ZNF597: variants seen among roughly 807,000 people sequenced by gnomAD.
The protein encoded by ZNF597 is zinc finger protein 597.
In ZNF597, 5 loss-of-function variants were observed where a neutral mutation model predicts 7.3. The ratio of observed to expected loss-of-function variants is 0.68; its 90% confidence interval spans 0.36 to 1.44. The LOEUF (loss-of-function observed/expected upper bound fraction) is 1.44, where lower values mean the gene tolerates loss of function less well. ZNF597 is among the 40% of genes most tolerant of loss of function. ZNF597 has a pLI of 0.04. For missense variants in ZNF597, 585 were observed against 517.9 expected, an observed-to-expected ratio of 1.13 and a Z score of -1.26; for synonymous variants, 209 against 185.4, an observed-to-expected ratio of 1.13 and a Z score of -1.04.
chr16:3,440,965 G>A, intron 2 of ZNF597, 32 bp from the exon 3 acceptor site: 1 of 1,605,168 alleles, frequency 6.2e-7, no homozygotes, highest in Non-Finnish European at 8.5e-7. Context: ...CAGCACAAGA[G>A]GGTGGAGGGT....
Position 3,443,461 on chromosome 16 carries a change from C to G in ZNF597, c.-155G>C, listed in dbSNP as rs965166168. The G allele has an allele frequency of 1.9e-6, 1 of 522,690 alleles. No individual in the cohort carries two copies. Among genetic ancestry groups the G allele is most frequent in the East Asian group, 3.3e-5 (1 of 30,110 alleles). The allele number at this position is 522,690 out of a possible 1,614,324, so 32.4% of individuals were successfully genotyped here. ...AGAACGCCACGGCCACTGCAAAACT[C>G]CCACGCTCTCATGCTCCTTTACGCA... On this transcript the variant is annotated 5_prime_UTR_variant, in exon 1 of 4. Transcript: ENST00000301744.
chr16:3,436,287 G>T lies in ZNF597; in HGVS notation c.*137C>A. The T allele has an allele frequency of 1.2e-6, 1 of 847,686 alleles. No individual in the cohort carries two copies. Among genetic ancestry groups the T allele is most frequent in the South Asian group, 1.8e-5 (1 of 54,520 alleles). 52.5% of individuals were successfully genotyped at this position (847,686 alleles called of 1,614,324 possible). ...TGGAAATGATACTGCCTAAATCACGGTTGTGCTGAGAATTAAGTATTACAT... is the reference window on the plus strand; with the variant it reads ...TGGAAATGATACTGCCTAAATCACGTTTGTGCTGAGAATTAAGTATTACAT... On this transcript the variant is annotated 3_prime_UTR_variant, in exon 4 of 4. Transcript: ENST00000301744.
At position 3,434,184 on chromosome 16, in the gene ZNF597, T is replaced by A. The variant is rs544615294; in HGVS notation, c.*2240A>T. ...TAAGATATTCCCCTCTACTTCTTTC[T>A]GCAGCAACTCTGCTAATCCAGACCT... On this transcript the variant is annotated 3_prime_UTR_variant, in exon 4 of 4. Coordinates refer to ENST00000301744, the MANE Select transcript of ZNF597 (RefSeq NM_152457.3). 6.6e-6 allele frequency: 1 copy of A among 152,258 alleles called. No homozygotes were observed. The highest frequency in any genetic ancestry group is 1.5e-5 in the Non-Finnish European group (1 of 68,070). 9.4% of individuals were successfully genotyped at this position (152,258 alleles called of 1,614,324 possible).
At position 3,436,769 on chromosome 16, in the gene ZNF597, A is replaced by G. The variant is rs141655901; in HGVS notation, c.930T>C (p.Tyr310=). Residue 310 remains tyrosine, a synonymous_variant, in exon 4 of 4, where the codon TAT becomes TAC. Coordinates refer to ENST00000301744, the MANE Select transcript of ZNF597 (RefSeq NM_152457.3). ...CGTGGCTCTTCTCGGAAAGGGCAGG[A>G]TATAAGGACTGCCTGAAGCTCTTCA... is the stretch of plus-strand genomic sequence containing the variant. ...KCMKSFRQSL[Y]PALSEKSHDE... is the part of the protein sequence containing the mutation. 2.1e-4 allele frequency: 335 copies of G among 1,613,596 alleles called. No individual in the cohort carries two copies. The highest frequency in any genetic ancestry group is 2.5e-4 in the Non-Finnish European group (298 of 1,180,034).
rs1338442422 is a variant in ZNF597, at chr16:3,434,031, C to T, written c.*2393G>A. On this transcript the variant is annotated 3_prime_UTR_variant, in exon 4 of 4. Transcript: ENST00000301744. ...AGGAAGACTCGTGTGGAAAGGCAAA[C>T]TTCCATATTAAGGTGCAGAACAGGA... 1 of 151,964 alleles carries T rather than the reference C, an allele frequency of 6.6e-6. No homozygotes were observed. The highest frequency in any genetic ancestry group is 1.9e-4 in the East Asian group (1 of 5,190). The allele number at this position is 151,964 out of a possible 1,614,324, so 9.4% of individuals were successfully genotyped here. A position where few individuals can be genotyped will look rare whatever the true frequency, so the allele number is the denominator to read the frequency against.
chr16:3,436,421 A>G lies in ZNF597; in HGVS notation c.*3T>C, dbSNP rs757912133. On this transcript the variant is annotated 3_prime_UTR_variant, in exon 4 of 4. Coordinates refer to ENST00000301744, the MANE Select transcript of ZNF597 (RefSeq NM_152457.3). ...TCACTAATAACAATTTGTTATATTT[A>G]CTTTACGTGGTGTTTTTTATGTGAG... 1.4e-5 allele frequency: 23 copies of G among 1,610,710 alleles called. No individual in the cohort carries two copies. The highest frequency in any genetic ancestry group is 1.8e-5 in the Non-Finnish European group (21 of 1,178,010).
At position 3,442,829 on chromosome 16, in the gene ZNF597, G is replaced by A. The variant is rs572431243; in HGVS notation, c.33+292C>T. The stretch of plus-strand genomic sequence containing the variant: ...CCAGCCAGACAAGCAACACTCCAGC[G>A]ACAAGGCCAGACCCTATCTCCAAAC... On this transcript the variant is annotated intron_variant, in intron 2 of 3. Coordinates refer to ENST00000301744, the MANE Select transcript of ZNF597 (RefSeq NM_152457.3). 1.2e-4 allele frequency among the ~76,000 whole-genome samples: 19 copies of A among 152,198 alleles called. No homozygotes were observed. The South Asian group carries it at 3.1e-3, about 25-fold the overall frequency.
intron 2 of ZNF597, among the ~76,000 whole-genome samples, chr16:3,441,429 G>A (rs42971): frequency 0.27 from 41,438 of 152,098 alleles, 6,183 homozygotes; most frequent in African/African-American, 0.4. Flanking sequence ...GCTCACGCCT[G>A]TAACCCCAGC....
In ZNF597 at chr16:3,436,887, G is replaced by A. The variant is rs1379436006; in HGVS notation, c.812C>T (p.Thr271Ile). The change falls in exon 4 of 4, where the codon ACT becomes ATT. Residue 271 changes from threonine to isoleucine, a missense_variant. Physicochemically the swap from Thr to Ile is moderately conservative, Grantham distance 89. Transcript: ENST00000301744. ...CTCATTAAAATGTTTATCACAGTTA[G>A]TAGATTCGTAGGTGTTTTCAGCACT... ...SHSAENTYES[T>I]NCDKHFNEKP... 1.1e-5 allele frequency: 18 copies of A among 1,614,082 alleles called. No individual in the cohort carries two copies. Among genetic ancestry groups the A allele is most frequent in the East Asian group, 4.5e-5 (2 of 44,902 alleles).
At position 3,434,495 on chromosome 16, in the gene ZNF597, A is replaced by G. The variant is rs1056974581; in HGVS notation, c.*1929T>C. 3 of 151,938 alleles carry G rather than the reference A, an allele frequency of 2.0e-5. No homozygotes were observed. The highest frequency in any genetic ancestry group is 7.2e-5 in the African/African-American group (3 of 41,452). 9.4% of individuals were successfully genotyped at this position (151,938 alleles called of 1,614,324 possible). A position where few individuals can be genotyped will look rare whatever the true frequency, so the allele number is the denominator to read the frequency against. On this transcript the variant is annotated 3_prime_UTR_variant, in exon 4 of 4. Transcript: ENST00000301744. ...GTGGAGACATCAGAAACAAACAGCC[A>G]AAGTCTGACCTTGACATACAGAGCA...
At position 3,437,474 on chromosome 16, in the gene ZNF597, A is replaced by C; in HGVS notation, c.225T>G (p.Leu75=). The part of the protein sequence containing the change: ...LSLESMELDE[L]ALEKYPIAAP... ...CAGCAATGGGGTACTTTTCTAAGGC[A>C]AGCTCGTCAAGTTCCATAGACTCTA... The change falls in exon 4 of 4, where the codon CTT becomes CTG. Residue 75 remains leucine, a synonymous_variant. Transcript: ENST00000301744. 1.2e-6 allele frequency: 2 copies of C among 1,614,114 alleles called. No individual in the cohort carries two copies. Among genetic ancestry groups the C allele is most frequent in the Non-Finnish European group, 1.7e-6 (2 of 1,180,016 alleles).
rs2034274337 is a variant in ZNF597, at chr16:3,433,676, C to T, written c.*2748G>A. ...GGTGAAATGCCATCATCATAAAAAGCCTGAAGCTCACCAGCAGATATATCT... is the reference window on the plus strand; with the variant it reads ...GGTGAAATGCCATCATCATAAAAAGTCTGAAGCTCACCAGCAGATATATCT... On this transcript the variant is annotated 3_prime_UTR_variant, in exon 4 of 4. Transcript: ENST00000301744. 1 of 152,196 alleles carries T rather than the reference C, an allele frequency of 6.6e-6. No individual in the cohort carries two copies. The highest frequency in any genetic ancestry group is 2.1e-4 in the South Asian group (1 of 4,838). 9.4% of individuals were successfully genotyped at this position (152,196 alleles called of 1,614,324 possible). A position where few individuals can be genotyped will look rare whatever the true frequency, so the allele number is the denominator to read the frequency against.
At position 3,437,282 on chromosome 16, in the gene ZNF597, G is replaced by C. The variant is rs1400342608; in HGVS notation, c.417C>G (p.Asn139Lys). The C allele has an allele frequency of 6.2e-7, 1 of 1,614,102 alleles. No homozygotes were observed. The highest frequency in any genetic ancestry group is 1.3e-5 in the African/African-American group (1 of 74,938). ...LVELSEYLGT[N>K]TLSEILDSPW... ...GAGAATCAAGAATTTCAGAAAGTGT[G>C]TTGGTTCCTAAATATTCAGAGAGTT... Residue 139 changes from asparagine (N) to lysine (K), a missense_variant, in exon 4 of 4, where the codon AAC (asparagine) becomes AAG (lysine). Coordinates refer to ENST00000301744, the MANE Select transcript of ZNF597 (RefSeq NM_152457.3).
intron 2 of ZNF597, among the ~76,000 whole-genome samples, chr16:3,441,574 T>A (rs894641959): frequency 9.9e-5 from 15 of 152,208 alleles, no homozygotes; most frequent in Admixed American, 8.5e-4. Context: ...TAATCCCAGC[T>A]ACTTGGGAGG....
Position 3,437,115 on chromosome 16 carries a change from T to A in ZNF597, c.584A>T (p.His195Leu), listed in dbSNP as rs752990037. 6.2e-7 allele frequency: 1 copy of A among 1,614,228 alleles called. No individual in the cohort carries two copies. Among genetic ancestry groups the A allele is most frequent in the Non-Finnish European group, 8.5e-7 (1 of 1,180,040 alleles). The change falls in exon 4 of 4, where the codon CAT (histidine) becomes CTT (leucine). Residue 195 changes from histidine to leucine, a missense_variant. Coordinates refer to ENST00000301744, the MANE Select transcript of ZNF597 (RefSeq NM_152457.3). Reference sequence around the variant, plus strand: ...CCTGTGTGTCCTCAGGTTGGCTCTATGATTGAAGATCTTTCCACAGTCACC... The same window carrying A: ...CCTGTGTGTCCTCAGGTTGGCTCTAAGATTGAAGATCTTTCCACAGTCACC... ...KCGDCGKIFN[H>L]RANLRTHRRI...
Position 3,437,077 on chromosome 16 carries a change from C to T in ZNF597, c.622G>A (p.Gly208Ser), listed in dbSNP as rs1253556616. The T allele has an allele frequency of 1.2e-6, 2 of 1,614,136 alleles. No homozygotes were observed. The highest frequency in any genetic ancestry group is 2.2e-5 in the East Asian group (1 of 44,870). ...TTGGCACACTTATAAGGTTTCTCAC[C>T]AGTATGGATTCTCCTGTGTGTCCTC... ...NLRTHRRIHT[G>S]EKPYKCAKCS... The change falls in exon 4 of 4, where the codon GGT (glycine) becomes AGT (serine). Residue 208 changes from glycine (G) to serine (S), a missense_variant. Gly to Ser is a moderately conservative substitution (Grantham distance 56). Transcript: ENST00000301744.
At chr16:3,442,941 A>T (rs929830259) in intron 2 of ZNF597, among the ~76,000 whole-genome samples, 180 bp downstream of exon 2, 3 of 152,238 alleles carry the variant, frequency 2.0e-5, no homozygotes, top group Admixed American at 6.5e-5. Context: ...TTCTGAAAGA[A>T]GGAAGTTGGT....
rs753938353 is a variant in ZNF597 at position 3,436,821 on chromosome 16, C to A, written c.878G>T (p.Gly293Val). ...GCACTTAGTGTGCTGGTACTGGGGG[C>A]CTGATACGAATGTTTCCTCAGGCAA... is the stretch of plus-strand genomic sequence containing the variant. ...LALPEETFVS[G>V]PQYQHTKCMK... Residue 293 changes from glycine (G) to valine (V), a missense_variant, in exon 4 of 4, where the codon GGC (glycine) becomes GTC (valine). Coordinates refer to ENST00000301744, the MANE Select transcript of ZNF597 (RefSeq NM_152457.3). 1 of 1,613,680 alleles carries A rather than the reference C, an allele frequency of 6.2e-7. No individual in the cohort carries two copies. The highest frequency in any genetic ancestry group is 8.5e-7 in the Non-Finnish European group (1 of 1,180,010).
rs1299423083 is a variant in ZNF597 at position 3,443,415 on chromosome 16, C to A, written c.-109G>T. On this transcript the variant is annotated 5_prime_UTR_variant, in exon 1 of 4. Transcript: ENST00000301744. ...CCCTGACAGGAGCTGCAGAAAGCGA[C>A]GCCCGACCGAGACGCGACGAAGAAC... 5 of 522,232 alleles carry A rather than the reference C, an allele frequency of 9.6e-6. No homozygotes were observed. The African/African-American group carries it at 9.9e-5, about 10-fold the overall frequency. 32.3% of individuals were successfully genotyped at this position (522,232 alleles called of 1,614,324 possible). A position where few individuals can be genotyped will look rare whatever the true frequency, so the allele number is the denominator to read the frequency against.
Sources: allele counts gnomAD v4.1 joint callset (sites outside exome capture counted in the v4.1 genomes callset), GRCh38; gene constraint gnomAD v4.1.1; transcripts MANE v1.5; gene names NCBI Gene and HGNC (gene_info 2026-07-23, HGNC 2026-07-21).